CFAP251: variants seen among roughly 807,000 people sequenced by gnomAD.
CFAP251 encodes cilia- and flagella-associated protein 251.
In CFAP251, 93 loss-of-function variants were observed where a neutral mutation model predicts 126.7. The ratio of observed to expected loss-of-function variants is 0.73; its 90% CI spans 0.62 to 0.87. The LOEUF (loss-of-function observed/expected upper bound fraction) is 0.87. Among genes scored for constraint, CFAP251 ranks in the 40% least tolerant of loss-of-function variants. The pLI, the probability that CFAP251 is intolerant of heterozygous loss-of-function variation, is 0.00. For missense variants in CFAP251, 1,287 were observed against 1,389.2 expected (o/e 0.93, Z 1.17); for synonymous variants, 503 against 506.9 (o/e 0.99, Z 0.10).
chr12:121,930,418 C>T (rs958666575), intron 3 of CFAP251, among the ~76,000 whole-genome samples: 4 of 151,740 alleles, frequency 2.6e-5, no homozygotes, highest in African/African-American at 7.3e-5. Context: ...ACCTGGGAGG[C>T]GGAGTGAACA....
intron 19 of CFAP251, chr12:121,998,658 G>A (rs1229863909): frequency 6.7e-6 from 1 of 150,228 alleles, no homozygotes; most frequent in African/African-American, 2.5e-5. Flanking sequence ...GGAGACCAAG[G>A]TGGGCAGATT....
intron 5 of CFAP251, among the ~76,000 whole-genome samples, chr12:121,941,808 G>A (rs1402645194): frequency 3.3e-5 from 5 of 152,152 alleles, no homozygotes; most frequent in Non-Finnish European, 7.3e-5. Flanking sequence ...AAGTCGTAAG[G>A]GTGGAGTTAC....
chr12:121,987,038 A>T (rs1490015345), intron 19 of CFAP251, among the ~76,000 whole-genome samples: 2 of 152,202 alleles, frequency 1.3e-5, no homozygotes, highest in Admixed American at 6.5e-5. Flanking sequence ...CCCAGCTGGG[A>T]TGGAGGTCTG....
chr12:121,999,751 A>G lies in CFAP251; in HGVS notation c.3042A>G (p.Glu1014=). ...TATTTAACGAAATCAAATTTGGTGA[A>G]TATGTGGACACTGGAAAGCTAATCG... The part of the protein sequence containing the change: ...DDIFNEIKFG[E]YVDTGKLIDK... Residue 1014 remains glutamate (E), a synonymous_variant, in exon 20 of 22, where the codon GAA becomes GAG. Coordinates refer to ENST00000288912, the MANE Select transcript of CFAP251 (RefSeq NM_144668.6). 1 of 1,612,350 alleles carries G rather than the reference A, an allele frequency of 6.2e-7. No homozygotes were observed. The highest frequency in any genetic ancestry group is 1.3e-5 in the African/African-American group (1 of 75,012).
At position 121,983,107 on chromosome 12, in the gene CFAP251, G is replaced by C. The variant is rs191058682; in HGVS notation, c.3006+7422G>C. On this transcript the variant is annotated intron_variant, in intron 19 of 21. Coordinates refer to ENST00000288912, the MANE Select transcript of CFAP251 (RefSeq NM_144668.6). Reference sequence around the variant, plus strand: ...CTGGGTGTGGTGGCGTGCACTTGTAGTCCCAGATACTTGGAGGGCTGAGGT... The same window carrying C: ...CTGGGTGTGGTGGCGTGCACTTGTACTCCCAGATACTTGGAGGGCTGAGGT... Among the ~76,000 whole-genome samples, 5 of 152,272 alleles carry C rather than the reference G, an allele frequency of 3.3e-5. No homozygotes were observed. In the East Asian group the frequency reaches 9.7e-4, roughly 29 times the overall value.
intron 5 of CFAP251, 52 bp downstream of exon 5, chr12:121,934,408 G>C (rs1346662465): frequency 1.4e-6 from 2 of 1,381,008 alleles, no homozygotes; most frequent in Non-Finnish European, 2.0e-6. Flanking sequence ...TAGAGTATCT[G>C]CCACTGTGTG....
chr12:121,974,676 G>T lies in CFAP251; in HGVS notation c.2772-568G>T, dbSNP rs572085951. ...TAGCCTTTTGTAGGAGGCAAAGTTG[G>T]TCTCATACAAAAGTAGGTTTTCTTA... On this transcript the variant is annotated intron_variant, in intron 17 of 21. Transcript: ENST00000288912. This position sits in a 1 kb window ranked among gnomAD's most constrained non-coding sequence, Gnocchi z 4.6. 6.6e-6 allele frequency among the ~76,000 whole-genome samples: 1 copy of T among 152,278 alleles called. No individual in the cohort carries two copies. The highest frequency in any genetic ancestry group is 2.1e-4 in the South Asian group (1 of 4,814).
intron 16 of CFAP251, 139 bp downstream of exon 16, chr12:121,967,208 C>A: frequency 1.4e-6 from 1 of 707,664 alleles, no homozygotes; most frequent in Non-Finnish European, 2.4e-6. Flanking sequence ...AGCTGTGATA[C>A]TGAAAATTGC....
chr12:121,943,485 C>T (rs1881206401), intron 7 of CFAP251, among the ~76,000 whole-genome samples: 1 of 152,110 alleles, frequency 6.6e-6, no homozygotes, highest in Non-Finnish European at 1.5e-5. Context: ...TGCAATGGCA[C>T]GATCTCGGCT....
intron 19 of CFAP251, among the ~76,000 whole-genome samples, chr12:121,996,500 T>A: frequency 6.6e-6 from 1 of 152,312 alleles, no homozygotes; most frequent in East Asian, 1.9e-4. Flanking sequence ...TTTATTATAT[T>A]TCTCTCTTCC....
intron 19 of CFAP251, among the ~76,000 whole-genome samples, chr12:121,986,464 AT>A (rs557484598): frequency 2.0e-4 from 30 of 146,894 alleles, no homozygotes; most frequent in Non-Finnish European, 2.4e-4. Flanking sequence ...CGCCTGGCTA[AT>A]TTTTTTTTTG....
chr12:121,986,791 C>T (rs79326245), intron 19 of CFAP251, among the ~76,000 whole-genome samples: 3,349 of 151,494 alleles, frequency 0.022, 111 homozygotes, highest in African/African-American at 0.077. Context: ...AAAAAAAGCC[C>T]ATCTAGGGGT....
intron 19 of CFAP251, chr12:121,999,333 C>CT (rs1346552747): frequency 1.3e-5 from 2 of 154,180 alleles, no homozygotes; most frequent in African/African-American, 4.8e-5. Flanking sequence ...GAAAGTATTC[C>CT]TTTTTCCTCT....
intron 17 of CFAP251, chr12:121,970,008 T>C: frequency 1.0e-6 from 1 of 959,724 alleles, no homozygotes. Context: ...ACTTCACTAA[T>C]GGAGAGAAAT....
rs560510072 is a variant in CFAP251 at position 121,925,495 on chromosome 12, C to T, written c.747+1505C>T. 1.7e-3 allele frequency among the ~76,000 whole-genome samples: 256 copies of T among 152,242 alleles called. 10 individuals carry two copies. Among genetic ancestry groups the T allele is most frequent in the Admixed American group, 7.2e-4 (11 of 15,270 alleles). ...TGTCATGACGATGACGGTGGCAAGA[C>T]GTCTGGAGGGAAATGCAGGCAACTG... On this transcript the variant is annotated intron_variant, in intron 3 of 21. Transcript: ENST00000288912.
At chr12:121,995,089 C>T (rs527447157) in intron 19 of CFAP251, among the ~76,000 whole-genome samples, 4 of 152,278 alleles carry the variant, frequency 2.6e-5, no homozygotes, top group East Asian at 3.9e-4. Context: ...CCAATGCATA[C>T]GTATTACTGT....
intron 15 of CFAP251, 60 bp downstream of exon 15, chr12:121,962,222 G>A: frequency 2.6e-6 from 4 of 1,532,778 alleles, no homozygotes; most frequent in Non-Finnish European, 3.6e-6. Context: ...CCCCCAACCT[G>A]TTTCAGGTCT....
At chr12:121,999,683 G>A (rs1246715035) in intron 19 of CFAP251, 33 bp from the exon 20 acceptor site, 2 of 1,539,300 alleles carry the variant, frequency 1.3e-6, no homozygotes, top group African/African-American at 2.8e-5. Flanking sequence ...TCTATTTACT[G>A]TGGTCTTTTT....
rs773053323 is a variant in CFAP251 at position 121,923,986 on chromosome 12, C to T, written c.743C>T (p.Pro248Leu). 1 of 1,600,032 alleles carries T rather than the reference C, an allele frequency of 6.2e-7. No homozygotes were observed. ...FQKDKSTPVYPLTMTWSFGWN... is the reference protein window; with the variant it reads ...FQKDKSTPVYLLTMTWSFGWN... ...AAGGATAAAAGCACCCCGGTGTATCCCTTGGTAAGTGTAATGCTTTTAAAT... is the reference window on the plus strand; with the variant it reads ...AAGGATAAAAGCACCCCGGTGTATCTCTTGGTAAGTGTAATGCTTTTAAAT... Residue 248 changes from proline to leucine, a missense_variant, in exon 3 of 22, where the codon CCC becomes CTC. Pro to Leu is a moderately conservative substitution (Grantham distance 98). Coordinates refer to ENST00000288912, the MANE Select transcript of CFAP251 (RefSeq NM_144668.6).
Sources: gnomAD v4.1 joint callset for allele counts (sites outside exome capture counted in the v4.1 genomes callset) on GRCh38, gnomAD v4.1.1 for gene constraint, Gnocchi (gnomAD v3.1) non-coding constraint, MANE v1.5 for transcripts, NCBI Gene and HGNC (gene_info 2026-07-23, HGNC 2026-07-21) for gene names.